Variants in ACBD7 observed in about 807,000 individuals in gnomAD.
The protein encoded by ACBD7 is acyl-CoA-binding domain-containing protein 7.
A neutral mutation model predicts 13.7 loss-of-function variants in ACBD7; 11 were observed. That is an observed-to-expected ratio of 0.80 (90% CI 0.50 to 1.33). The LOEUF is 1.33. Ranked by LOEUF, ACBD7 falls within the 40% of genes most tolerant of loss-of-function variation. The pLI is 0.00. For missense variants in ACBD7, 111 were observed against 103.0 expected, an observed-to-expected ratio of 1.08 and a Z score of -0.33; for synonymous variants, 43 against 37.7, an observed-to-expected ratio of 1.14 and a Z score of -0.51.
chr10:15,079,726 C>T (rs1423904979), intron 1 of ACBD7, among the ~76,000 whole-genome samples: 1 of 151,716 alleles, frequency 6.6e-6, no homozygotes. Flanking sequence ...TTATAGGCAC[C>T]TGCCACCGCG....
In ACBD7 at chr10:15,078,925, A is replaced by G. The variant is rs773978045; in HGVS notation, c.128T>C (p.Ile43Thr). 1 of 1,504,392 alleles carries G rather than the reference A, an allele frequency of 6.6e-7. No homozygotes were observed. The highest frequency in any genetic ancestry group is 2.3e-5 in the East Asian group (1 of 42,618). The allele number at this position is 1,504,392 out of a possible 1,614,324, so 93.2% of individuals were successfully genotyped here. The stretch of plus-strand genomic sequence containing the variant: ...TTAATATTAATAATATATAATACCA[A>G]TATTAATGTCTCCAACTATTGCTTG... ...YKQAIVGDIN[I>T]ACPGMLDLKG... Residue 43 changes from isoleucine (I) to threonine (T), a missense_variant and splice_region_variant, in exon 2 of 4, where the codon ATT (isoleucine) becomes ACT (threonine). Physicochemically the swap from Ile to Thr is moderately conservative, Grantham distance 89. Coordinates refer to ENST00000356189, the MANE Select transcript of ACBD7 (RefSeq NM_001039844.3).
rs950652750 is a variant in ACBD7 at position 15,079,767 on chromosome 10, C to T, written c.13-727G>A. Among the ~76,000 whole-genome samples, 10 of 151,298 alleles carry T rather than the reference C, an allele frequency of 6.6e-5. No individual in the cohort carries two copies. In the East Asian group the frequency reaches 9.8e-4, roughly 15 times the overall value. On this transcript the variant is annotated intron_variant, in intron 1 of 3. Coordinates refer to ENST00000356189, the MANE Select transcript of ACBD7 (RefSeq NM_001039844.3). ...CTAAGTTTTGTATTTTTAGTAGACA[C>T]GGGGTTTAACCATCTTGGCCAGGCT... is the stretch of plus-strand genomic sequence containing the variant.
Position 15,078,478 on chromosome 10 carries a change from C to A in ACBD7, c.*52G>T. 1.2e-6 allele frequency: 2 copies of A among 1,612,016 alleles called. No homozygotes were observed. The highest frequency in any genetic ancestry group is 1.1e-5 in the South Asian group (1 of 90,966). On this transcript the variant is annotated 3_prime_UTR_variant, in exon 4 of 4. Transcript: ENST00000356189. ...ATGCCTCTCCCTCTAAATGTTAGGT[C>A]ATGATAGCATTTGGAAGTCTTCAAA...
intron 1 of ACBD7, among the ~76,000 whole-genome samples, chr10:15,079,425 C>G (rs1379506975): frequency 6.6e-6 from 1 of 151,520 alleles, no homozygotes; most frequent in Non-Finnish European, 1.5e-5. Flanking sequence ...CAGGGGTGCA[C>G]CACCACACTC....
chr10:15,080,578 T>C (rs1000598676), intron 1 of ACBD7, among the ~76,000 whole-genome samples: 1 of 151,958 alleles, frequency 6.6e-6, no homozygotes, highest in Non-Finnish European at 1.5e-5. Flanking sequence ...AGACTCTGTC[T>C]CAAAAACAAA....
rs767587219 is a variant in ACBD7 at position 15,078,975 on chromosome 10, C to T, written c.78G>A (p.Leu26=). The change falls in exon 2 of 4, where the codon CTG becomes CTA. Residue 26 remains leucine, a synonymous_variant. Coordinates refer to ENST00000356189, the MANE Select transcript of ACBD7 (RefSeq NM_001039844.3). ...KLKARPDDGE[L]KELYGLYKQA... Reference sequence around the variant, plus strand: ...GTTTGTAAAGCCCATAGAGTTCTTTCAGTTCTCCATCATCTGGTCTTGCTT... The same window carrying T: ...GTTTGTAAAGCCCATAGAGTTCTTTTAGTTCTCCATCATCTGGTCTTGCTT... 6.2e-7 allele frequency: 1 copy of T among 1,608,290 alleles called. No homozygotes were observed.
At chr10:15,079,170 T>G (rs1319365274) in intron 1 of ACBD7, 130 bp from the exon 2 acceptor site, 1 of 480,810 alleles carries the variant, frequency 2.1e-6, no homozygotes, top group African/African-American at 2.0e-5. Flanking sequence ...AGAATCATCT[T>G]AATTTACTTG....
chr10:15,080,575 G>C (rs903309550), intron 1 of ACBD7, among the ~76,000 whole-genome samples: 1 of 152,026 alleles, frequency 6.6e-6, no homozygotes, highest in Admixed American at 6.6e-5. Flanking sequence ...GTGAGACTCT[G>C]TCTCAAAAAC....
Position 15,078,116 on chromosome 10 carries a change from C to A in ACBD7, c.*414G>T. 1 of 185,058 alleles carries A rather than the reference C, an allele frequency of 5.4e-6. No homozygotes were observed. Among genetic ancestry groups the A allele is most frequent in the Non-Finnish European group, 1.1e-5 (1 of 88,256 alleles). The allele number at this position is 185,058 out of a possible 1,614,324, so 11.5% of individuals were successfully genotyped here. On this transcript the variant is annotated 3_prime_UTR_variant, in exon 4 of 4. Coordinates refer to ENST00000356189, the MANE Select transcript of ACBD7 (RefSeq NM_001039844.3). ...CCTAACCCCCTAGTCCCCGACAGGC[C>A]CCAGTGTGTGATGTTCCCTTCCCTG...
intron 1 of ACBD7, among the ~76,000 whole-genome samples, chr10:15,083,713 A>G (rs1844775454): frequency 6.6e-6 from 1 of 152,016 alleles, no homozygotes; most frequent in Non-Finnish European, 1.5e-5. Context: ...GAACTCCTGA[A>G]CTCAAGTGAC....
intron 1 of ACBD7, among the ~76,000 whole-genome samples, chr10:15,082,005 AG>A (rs1228216241): frequency 1.3e-5 from 2 of 152,132 alleles, no homozygotes; most frequent in East Asian, 3.9e-4. Flanking sequence ...CTGTGTGACC[AG>A]GCTGGGCGCA....
chr10:15,081,542 T>A (rs1336430392), intron 1 of ACBD7, among the ~76,000 whole-genome samples: 1 of 152,240 alleles, frequency 6.6e-6, no homozygotes, highest in Non-Finnish European at 1.5e-5. Flanking sequence ...TGCAGACATA[T>A]AACTTAGCAG....
At position 15,077,079 on chromosome 10, in the gene ACBD7, T is replaced by C; in HGVS notation, c.*1451A>G. The C allele has an allele frequency of 3.9e-6, 1 of 259,040 alleles. No homozygotes were observed. The highest frequency in any genetic ancestry group is 6.0e-6 in the Non-Finnish European group (1 of 165,998). The allele number at this position is 259,040 out of a possible 1,614,324, so 16.0% of individuals were successfully genotyped here. ...CTACCATTCTACCCAGCAATCCCAC[T>C]ACTGGGTATCTTCTTAAAGGAAAAT... is the stretch of plus-strand genomic sequence containing the variant. On this transcript the variant is annotated 3_prime_UTR_variant, in exon 4 of 4. Transcript: ENST00000356189.
At chr10:15,087,102 C>G (rs2131399859) in intron 1 of ACBD7, among the ~76,000 whole-genome samples, 1 of 151,864 alleles carries the variant, frequency 6.6e-6, no homozygotes, top group Middle Eastern at 3.5e-3. Flanking sequence ...ATCACTTGAG[C>G]CCAGGAGGTC....
At chr10:15,082,526 A>G (rs944314485) in intron 1 of ACBD7, among the ~76,000 whole-genome samples, 8 of 152,196 alleles carry the variant, frequency 5.3e-5, no homozygotes, top group Admixed American at 3.9e-4. Context: ...ATGTGCATGG[A>G]TTGTGTTTAT....
intron 1 of ACBD7, among the ~76,000 whole-genome samples, chr10:15,083,572 C>T (rs191622379): frequency 5.9e-5 from 9 of 152,276 alleles, no homozygotes; most frequent in African/African-American, 1.9e-4. Context: ...ACCTCCACCT[C>T]CTGGTTCAAG....
At position 15,081,884 on chromosome 10, in the gene ACBD7, T is replaced by TGAGTGTCTTCC. The variant is rs573269611; in HGVS notation, c.13-2855_13-2845dup. On this transcript the variant is annotated intron_variant, in intron 1 of 3. Transcript: ENST00000356189. ...ATGGAACAAGGGGTGCCTTGTCTTC[T>TGAGTGTCTTCC]GAGTGTCTTCCTAAGAAACTCTTGG... Among the ~76,000 whole-genome samples, 515 of 152,356 alleles carry TGAGTGTCTTCC rather than the reference T, an allele frequency of 3.4e-3. 4 individuals carry two copies. The highest frequency in any genetic ancestry group is 5.9e-3 in the Non-Finnish European group (401 of 68,036).
chr10:15,082,990 T>C (rs1589260955), intron 1 of ACBD7, among the ~76,000 whole-genome samples: 1 of 151,748 alleles, frequency 6.6e-6, no homozygotes, highest in Non-Finnish European at 1.5e-5. Context: ...TGAGCCAAGA[T>C]CCTGCCACTG....
At chr10:15,084,389 C>G (rs2131397371) in intron 1 of ACBD7, among the ~76,000 whole-genome samples, 1 of 152,230 alleles carries the variant, frequency 6.6e-6, no homozygotes, top group East Asian at 1.9e-4. Flanking sequence ...AAATATAGAG[C>G]CATGGACATT....
Sources: allele counts gnomAD v4.1 joint callset (sites outside exome capture counted in the v4.1 genomes callset), GRCh38; gene constraint gnomAD v4.1.1; transcripts MANE v1.5; gene names NCBI Gene and HGNC (gene_info 2026-07-23, HGNC 2026-07-21).